Variants in CDH22 observed in about 807,000 individuals in gnomAD.
The protein encoded by CDH22 is cadherin 22, also known as cadherin-22.
In CDH22, 30 loss-of-function variants were observed where a neutral mutation model predicts 58.4. The observed-to-expected ratio is 0.51, with a 90% confidence interval of 0.38 to 0.70. The LOEUF (loss-of-function observed/expected upper bound fraction) is 0.70. Ranked by LOEUF, CDH22 falls within the 30% of genes least tolerant of loss-of-function variation. CDH22 has a pLI of 0.00. For synonymous variants in CDH22, 513 were observed against 558.2 expected, an observed-to-expected ratio of 0.92 and a Z score of 1.14; for missense variants, 1,014 against 1,233.9, an observed-to-expected ratio of 0.82 and a Z score of 2.67.
intron 8 of CDH22, among the ~76,000 whole-genome samples, chr20:46,194,799 G>T (rs2085887332): frequency 6.6e-6 from 1 of 151,932 alleles, no homozygotes; most frequent in South Asian, 2.1e-4. Flanking sequence ...GTGCAATCTC[G>T]GCCCACTGCA....
intron 11 of CDH22, 109 bp downstream of exon 11, chr20:46,177,837 C>T: frequency 1.4e-6 from 2 of 1,394,454 alleles, no homozygotes; most frequent in South Asian, 2.7e-5. Flanking sequence ...CCAGCCCATC[C>T]TCATGTGGAG....
In CDH22 at chr20:46,200,812, A is replaced by G. The variant is rs35929380; in HGVS notation, c.1287-1253T>C. Among the ~76,000 whole-genome samples the G allele has an allele frequency of 9.3e-3, 1,417 of 152,158 alleles. 13 individuals are homozygous for G. Among genetic ancestry groups the G allele is most frequent in the Non-Finnish European group, 0.014 (967 of 67,982 alleles). On this transcript the variant is annotated intron_variant, in intron 7 of 11. Transcript: ENST00000537909. ...GGCGTGTACTGGGGAGCCAACGGGG[A>G]ATTTTGAGCAGGGGAGAGGGGGGCA...
intron 8 of CDH22, among the ~76,000 whole-genome samples, chr20:46,191,460 C>T (rs976367780): frequency 7.9e-5 from 12 of 152,114 alleles, no homozygotes; most frequent in Non-Finnish European, 1.3e-4. Flanking sequence ...CAAGAGGAGA[C>T]GGGGCCTGGC....
intron 1 of CDH22, among the ~76,000 whole-genome samples, chr20:46,268,244 C>A (rs2086471019): frequency 6.6e-6 from 1 of 152,218 alleles, no homozygotes; most frequent in African/African-American, 2.4e-5. Flanking sequence ...CAAGACGTGG[C>A]CTGAGCCTGG....
At chr20:46,231,389 C>A (rs1050593054) in intron 3 of CDH22, among the ~76,000 whole-genome samples, 4 of 152,112 alleles carry the variant, frequency 2.6e-5, no homozygotes, top group African/African-American at 9.7e-5. Context: ...CATCCCTGAC[C>A]AATTAAATAG....
intron 3 of CDH22, among the ~76,000 whole-genome samples, chr20:46,232,747 A>G (rs2086228219): frequency 6.6e-6 from 1 of 152,078 alleles, no homozygotes; most frequent in Non-Finnish European, 1.5e-5. Flanking sequence ...GCCCCCTCTC[A>G]ACATCCACCC....
chr20:46,254,321 G>A (rs533379546), intron 1 of CDH22, among the ~76,000 whole-genome samples: 17 of 152,168 alleles, frequency 1.1e-4, no homozygotes, highest in African/African-American at 2.2e-4. Context: ...TTGGGAGGCC[G>A]AGGCAGGTGG....
intron 1 of CDH22, among the ~76,000 whole-genome samples, chr20:46,297,988 G>A (rs2086636188): frequency 6.6e-6 from 1 of 151,632 alleles, no homozygotes; most frequent in Non-Finnish European, 1.5e-5. Flanking sequence ...AGATCCCGAC[G>A]CCCCCTCTAC....
intron 1 of CDH22, among the ~76,000 whole-genome samples, chr20:46,293,045 C>CA (rs1488728291): frequency 6.6e-6 from 1 of 152,034 alleles, no homozygotes; most frequent in African/African-American, 2.4e-5. Context: ...CAGTGCCTGG[C>CA]ACAGAGTAGA....
intron 1 of CDH22, among the ~76,000 whole-genome samples, chr20:46,252,506 G>C (rs1013793806): frequency 7.9e-5 from 12 of 152,226 alleles, no homozygotes; most frequent in African/African-American, 2.9e-4. Flanking sequence ...GGATCTGAGG[G>C]ACTAACGCCT....
At chr20:46,286,146 T>C (rs921256856) in intron 1 of CDH22, among the ~76,000 whole-genome samples, 6 of 151,144 alleles carry the variant, frequency 4.0e-5, no homozygotes, top group Admixed American at 6.8e-5. Context: ...GAGCACTTAC[T>C]GTATGCTTTT....
At chr20:46,252,568 G>T (rs1027137809) in intron 1 of CDH22, among the ~76,000 whole-genome samples, 7 of 152,244 alleles carry the variant, frequency 4.6e-5, no homozygotes, top group African/African-American at 1.7e-4. Context: ...ACAGGGGACA[G>T]CGATGCTGCT....
intron 10 of CDH22, among the ~76,000 whole-genome samples, chr20:46,181,741 TTCCTTCC>T (rs1329480524): frequency 1.1e-5 from 1 of 87,626 alleles, no homozygotes; most frequent in African/African-American, 4.2e-5. Flanking sequence ...CCTTCCTTCC[TTCCTTCC>T]TTCCTTCTTT....
At position 46,199,930 on chromosome 20, in the gene CDH22, T is replaced by C. The variant is rs777529543; in HGVS notation, c.1287-371A>G. Among the ~76,000 whole-genome samples, 8 of 59,316 alleles carry C rather than the reference T, an allele frequency of 1.3e-4. No homozygotes were observed. The East Asian group carries it at 2.3e-3, about 17-fold the overall frequency. 38.9% of individuals were successfully genotyped at this position (59,316 alleles called of 152,430 possible). ...TTTCTTCTTTCTTTCTTTCTCTCTC[T>C]TTCCTTCCTTCCTTCTTTTTCTTTT... is the stretch of plus-strand genomic sequence containing the variant. On this transcript the variant is annotated intron_variant, in intron 7 of 11. Coordinates refer to ENST00000537909, the MANE Select transcript of CDH22 (RefSeq NM_021248.3).
chr20:46,236,386 C>T (rs2086251471), intron 3 of CDH22, among the ~76,000 whole-genome samples: 1 of 150,914 alleles, frequency 6.6e-6, no homozygotes, highest in South Asian at 2.1e-4. Flanking sequence ...ACTTCCCTGA[C>T]CCCTCTATCT....
intron 8 of CDH22, among the ~76,000 whole-genome samples, chr20:46,197,295 G>GATATATATAGATATATATATAT (rs2085911848): frequency 1.4e-5 from 2 of 141,972 alleles, no homozygotes; most frequent in African/African-American, 5.2e-5. Context: ...TCTAGGCCAG[G>GATATATATAGATATATATATAT]ATATATATAT....
chr20:46,213,904 A>G (rs1600699889), intron 5 of CDH22, among the ~76,000 whole-genome samples: 1 of 152,280 alleles, frequency 6.6e-6, no homozygotes, highest in East Asian at 1.9e-4. Flanking sequence ...CTAAACAATC[A>G]CATCAGTGAA....
In CDH22 at chr20:46,251,030, C is replaced by T. The variant is rs1568673763; in HGVS notation, c.255+10G>A. The stretch of plus-strand genomic sequence containing the variant: ...CTGGGATCTGGAGTTGGAGTGGGGC[C>T]CCACTTTACCTTGCCCACATACAGG... On this transcript the variant is annotated intron_variant, in intron 2 of 11. Transcript: ENST00000537909. The surrounding 1 kb of genome is among the most constrained non-coding windows in gnomAD (Gnocchi z 6.7). 6.3e-7 allele frequency: 1 copy of T among 1,587,854 alleles called. No homozygotes were observed. The highest frequency in any genetic ancestry group is 8.6e-7 in the Non-Finnish European group (1 of 1,157,970).
At chr20:46,261,446 AAG>A (rs1221141201) in intron 1 of CDH22, among the ~76,000 whole-genome samples, 7 of 152,216 alleles carry the variant, frequency 4.6e-5, no homozygotes, top group African/African-American at 1.7e-4. Context: ...AAGAAGAGTG[AAG>A]AGTTGCACAG....
Sources: allele counts gnomAD v4.1 joint callset (sites outside exome capture counted in the v4.1 genomes callset), GRCh38; gene constraint gnomAD v4.1.1; non-coding constraint Gnocchi (gnomAD v3.1); transcripts MANE v1.5; gene names NCBI Gene and HGNC (gene_info 2026-07-23, HGNC 2026-07-21).